DACH2: variants seen among roughly 807,000 people sequenced by gnomAD.
The protein encoded by DACH2 is dachshund family transcription factor 2.
Under a neutral mutation model 35.8 loss-of-function variants are expected in DACH2, and 17 were observed. The observed-to-expected ratio is 0.48, with a 90% CI of 0.33 to 0.71. The LOEUF is 0.71. Among genes scored for constraint, DACH2 ranks in the 30% least tolerant of loss-of-function variants. The pLI, the probability that DACH2 is intolerant of heterozygous loss-of-function variation, is 0.02. For synonymous variants in DACH2, 195 were observed against 177.3 expected (o/e 1.10, Z -0.79); for missense variants, 469 against 472.7 (o/e 0.99, Z 0.07).
chrX:86,519,440 T>C (rs1246540351), intron 3 of DACH2, among the ~76,000 whole-genome samples: 3 of 111,915 alleles, frequency 2.7e-5, no homozygotes, highest in African/African-American at 9.7e-5. Context: ...CCCTCCTCTT[T>C]AATTTTTTGG....
rs771229012 is a variant in DACH2 at position 86,311,102 on chromosome X, T to C, written c.489-65722T>C. Among the ~76,000 whole-genome samples the C allele has an allele frequency of 7.1e-5, 8 of 111,977 alleles. No individual in the cohort carries two copies. In the South Asian group the frequency reaches 3.0e-3, roughly 43 times the overall value. On this transcript the variant is annotated intron_variant, in intron 1 of 11. Transcript: ENST00000373125. ...CCATTCCTTTGGGTAATCAGCCAGC[T>C]ACCTGGTGGCAGATTAATTATATTG...
rs57842008 is a variant in DACH2, at chrX:86,643,172, GTT to G, written c.641-7850_641-7849del. 5.3e-3 allele frequency among the ~76,000 whole-genome samples: 448 copies of G among 84,512 alleles called. 3 individuals carry two copies. Among genetic ancestry groups the G allele is most frequent in the East Asian group, 0.014 (35 of 2,494 alleles). 73.4% of individuals were successfully genotyped at this position (84,512 alleles called of 115,157 possible). A position where few individuals can be genotyped will look rare whatever the true frequency, so the allele number is the denominator to read the frequency against. ...CAAAAGATCAGTGAATCCAGGAATT[GTT>G]TTTTTTTTTTTTTGAAAAAAATAAA... is the stretch of plus-strand genomic sequence containing the variant. On this transcript the variant is annotated intron_variant, in intron 3 of 11. Coordinates refer to ENST00000373125, the MANE Select transcript of DACH2 (RefSeq NM_053281.3).
Position 86,469,167 on chromosome X carries a change from T to A in DACH2, c.528-45112T>A, listed in dbSNP as rs1011229011. 6.3e-5 allele frequency among the ~76,000 whole-genome samples: 7 copies of A among 110,801 alleles called. No homozygotes were observed. The East Asian group carries it at 2.0e-3, about 31-fold the overall frequency. On this transcript the variant is annotated intron_variant, in intron 2 of 11. Coordinates refer to ENST00000373125, the MANE Select transcript of DACH2 (RefSeq NM_053281.3). ...GTGTGAAAAAGTCAAATTCATAAAA[T>A]CACGGAGTAAAATGGTGGTTACCAG...
At chrX:86,276,185 C>T (rs2033912840) in intron 1 of DACH2, among the ~76,000 whole-genome samples, 2 of 111,893 alleles carry the variant, frequency 1.8e-5, no homozygotes, top group African/African-American at 6.5e-5. Flanking sequence ...CACATCCTCG[C>T]CAGCCTTTGT....
At chrX:86,400,188 G>T (rs1399679406) in intron 2 of DACH2, among the ~76,000 whole-genome samples, 3 of 111,567 alleles carry the variant, frequency 2.7e-5, no homozygotes, top group African/African-American at 9.8e-5. Context: ...ACTGAGGCTT[G>T]TGCATTCATC....
intron 7 of DACH2, among the ~76,000 whole-genome samples, chrX:86,750,610 C>A (rs892173811): frequency 9.0e-6 from 1 of 110,769 alleles, no homozygotes. Flanking sequence ...CTCTCTACAG[C>A]TCCTGGCGAC....
chrX:86,318,768 G>T (rs759456368), intron 1 of DACH2, among the ~76,000 whole-genome samples: 6 of 111,601 alleles, frequency 5.4e-5, no homozygotes, highest in African/African-American at 2.0e-4. Context: ...GATCAGGAAA[G>T]ACAACCTTGA....
intron 2 of DACH2, among the ~76,000 whole-genome samples, chrX:86,474,258 G>C (rs1239539838): frequency 9.0e-6 from 1 of 111,728 alleles, no homozygotes; most frequent in Non-Finnish European, 1.9e-5. Context: ...ATATATTCTT[G>C]TTATTAATCC....
chrX:86,535,325 TA>T (rs969547723), intron 3 of DACH2, among the ~76,000 whole-genome samples: 1 of 111,670 alleles, frequency 9.0e-6, no homozygotes, highest in African/African-American at 3.3e-5. Context: ...TGTGCTGCTG[TA>T]ACAGAATATG....
At chrX:86,367,442 T>C (rs770181549) in intron 1 of DACH2, among the ~76,000 whole-genome samples, 1 of 111,762 alleles carries the variant, frequency 8.9e-6, no homozygotes, top group African/African-American at 3.3e-5. Flanking sequence ...AAAAAGGGTA[T>C]GTCTCAGGAG....
chrX:86,633,585 G>T (rs2040228224), intron 3 of DACH2, among the ~76,000 whole-genome samples: 1 of 111,530 alleles, frequency 9.0e-6, no homozygotes, highest in South Asian at 3.7e-4. Context: ...TAAAATGAAG[G>T]AATAATCCCT....
intron 7 of DACH2, among the ~76,000 whole-genome samples, chrX:86,809,468 CCA>C (rs764075486): frequency 1.8e-5 from 2 of 109,124 alleles, no homozygotes; most frequent in South Asian, 3.9e-4. Context: ...AAATTGATTT[CCA>C]GTTCATTTAC....
At chrX:86,312,827 A>G (rs1269434553) in intron 1 of DACH2, among the ~76,000 whole-genome samples, 1 of 111,478 alleles carries the variant, frequency 9.0e-6, no homozygotes, top group East Asian at 2.8e-4. Flanking sequence ...AATACTCAAT[A>G]AACTCTCCTA....
rs189175342 is a variant in DACH2 at position 86,426,665 on chromosome X, A to G, written c.527+49803A>G. Among the ~76,000 whole-genome samples, 33 of 111,218 alleles carry G rather than the reference A, an allele frequency of 3.0e-4. No homozygotes were observed. The East Asian group carries it at 3.7e-3, about 12-fold the overall frequency. ...CTTTGCAGAGAGAGGATAATTTCCC[A>G]TCATCATAGTTTCAATATTTCAATT... On this transcript the variant is annotated intron_variant, in intron 2 of 11. Transcript: ENST00000373125.
rs199901080 is a variant in DACH2, at chrX:86,667,499, G to GAGAAAGAAAGAAAGAAAGAA, written c.772+16361_772+16380dup. ...AGAAAGAAGGAAGGAAAGAAAGAAA[G>GAGAAAGAAAGAAAGAAAGAA]AGAAAGAAAGAAAGAAAGAAAGAAA... On this transcript the variant is annotated intron_variant, in intron 4 of 11. Coordinates refer to ENST00000373125, the MANE Select transcript of DACH2 (RefSeq NM_053281.3). 7.3e-4 allele frequency among the ~76,000 whole-genome samples: 31 copies of GAGAAAGAAAGAAAGAAAGAA among 42,237 alleles called. 1 individual carries two copies. The highest frequency in any genetic ancestry group is 1.3e-3 in the South Asian group (1 of 753). 36.7% of individuals were successfully genotyped at this position (42,237 alleles called of 115,157 possible).
At chrX:86,592,197 T>A (rs2039656175) in intron 3 of DACH2, among the ~76,000 whole-genome samples, 1 of 112,004 alleles carries the variant, frequency 8.9e-6, no homozygotes, top group Non-Finnish European at 1.9e-5. Flanking sequence ...AATTAAATTG[T>A]TGTAAATGGT....
At chrX:86,360,773 A>G (rs1374782482) in intron 1 of DACH2, among the ~76,000 whole-genome samples, 2 of 111,515 alleles carry the variant, frequency 1.8e-5, no homozygotes, top group South Asian at 3.7e-4. Flanking sequence ...TTGAACTCAG[A>G]TAAATAACCA....
chrX:86,358,053 T>C (rs984769768), intron 1 of DACH2, among the ~76,000 whole-genome samples: 1 of 111,548 alleles, frequency 9.0e-6, no homozygotes, highest in East Asian at 2.8e-4. Context: ...TCACCCACCC[T>C]GTTTTATCTT....
chrX:86,525,993 T>G (rs1420235172), intron 3 of DACH2, among the ~76,000 whole-genome samples: 1 of 111,993 alleles, frequency 8.9e-6, no homozygotes, highest in Non-Finnish European at 1.9e-5. Context: ...CTGGCGAGCT[T>G]TTGTTTTCCA....
Sources: allele counts gnomAD v4.1 joint callset (sites outside exome capture counted in the v4.1 genomes callset), GRCh38; gene constraint gnomAD v4.1.1; transcripts MANE v1.5; gene names NCBI Gene and HGNC (gene_info 2026-07-23, HGNC 2026-07-21).